The following BARD1 variants were observed in gnomAD, a reference collection of about 807,000 sequenced individuals.
BARD1 encodes BRCA1-associated RING domain protein 1.
A neutral mutation model predicts 77.0 loss-of-function variants in BARD1; 73 were observed. The ratio of observed to expected loss-of-function variants is 0.95; its 90% CI spans 0.79 to 1.15. The LOEUF is 1.15. Among genes scored for constraint, BARD1 ranks in the 50% most tolerant of loss-of-function variants. The probability of loss-of-function intolerance (pLI) is 0.00; values close to 1 mark genes in which losing one functional copy is unlikely to be tolerated. For missense variants in BARD1, 993 were observed against 938.8 expected (o/e 1.06, Z -0.75); for synonymous variants, 384 against 338.0 (o/e 1.14, Z -1.49).
At chr2:214,768,147 G>A (rs958508637) in intron 5 of BARD1, among the ~76,000 whole-genome samples, 8 of 152,148 alleles carry the variant, frequency 5.3e-5, no homozygotes, top group African/African-American at 1.9e-4. Context: ...GAAATAACAC[G>A]AGTAGGAATA....
chr2:214,746,005 C>G (rs1161177360), intron 7 of BARD1, 151 bp from the exon 8 acceptor site: 1 of 934,554 alleles, frequency 1.1e-6, no homozygotes, highest in East Asian at 2.6e-5. Context: ...CACCCAGAAC[C>G]TTTTAAATAA....
chr2:214,757,239 C>T (rs1693734274), intron 6 of BARD1, among the ~76,000 whole-genome samples: 1 of 151,600 alleles, frequency 6.6e-6, no homozygotes, highest in African/African-American at 2.4e-5. Context: ...TTCAAAGGCT[C>T]TAATTTTTTT....
chr2:214,744,839 G>C (rs1693021838), intron 9 of BARD1, among the ~76,000 whole-genome samples: 1 of 152,020 alleles, frequency 6.6e-6, no homozygotes, highest in African/African-American at 2.4e-5. Context: ...CACCGTGTTA[G>C]CCAGGATGAT....
intron 3 of BARD1, among the ~76,000 whole-genome samples, chr2:214,783,935 A>C (rs1190154825): frequency 6.6e-6 from 1 of 152,202 alleles, no homozygotes; most frequent in Non-Finnish European, 1.5e-5. Context: ...AATCTAGGCA[A>C]TACCATTCAG....
At chr2:214,763,167 T>C (rs1326821903) in intron 6 of BARD1, among the ~76,000 whole-genome samples, 1 of 152,174 alleles carries the variant, frequency 6.6e-6, no homozygotes, top group Non-Finnish European at 1.5e-5. Flanking sequence ...CACCCATATC[T>C]TATCTTTCTC....
At chr2:214,738,207 T>A (rs1391752230) in intron 9 of BARD1, among the ~76,000 whole-genome samples, 5 of 152,212 alleles carry the variant, frequency 3.3e-5, no homozygotes, top group African/African-American at 1.2e-4. Context: ...AACAAACGGA[T>A]GAACTACTTA....
chr2:214,767,150 T>C (rs975004767), intron 6 of BARD1, among the ~76,000 whole-genome samples: 2 of 152,232 alleles, frequency 1.3e-5, no homozygotes, highest in Non-Finnish European at 2.9e-5. Context: ...CAAAAAAACA[T>C]GATCTCATTC....
chr2:214,748,281 T>C (rs1469446729), intron 7 of BARD1, among the ~76,000 whole-genome samples: 1 of 152,066 alleles, frequency 6.6e-6, no homozygotes, highest in Non-Finnish European at 1.5e-5. Context: ...CAAAGCCACA[T>C]GTCTGATTTG....
chr2:214,732,976 T>G (rs1383066276), intron 9 of BARD1, among the ~76,000 whole-genome samples: 1 of 152,216 alleles, frequency 6.6e-6, no homozygotes, highest in Admixed American at 6.5e-5. Context: ...TAAAATGTTT[T>G]ATTTATTCTA....
rs4986840 is a variant in BARD1, at chr2:214,730,575, T to C, written c.1904-67A>G. Reference sequence around the variant, plus strand: ...GAGCACTATATCTCTCTCATTAAAATCAAGCAATTTACCTAAGTGGTTTTT... The same window carrying C: ...GAGCACTATATCTCTCTCATTAAAACCAAGCAATTTACCTAAGTGGTTTTT... On this transcript the variant is annotated intron_variant, in intron 9 of 10. Transcript: ENST00000260947. 1,579 of 1,306,036 alleles carry C rather than the reference T, an allele frequency of 1.2e-3. 15 individuals carry two copies. The African/African-American group carries it at 0.02, about 17-fold the overall frequency. 80.9% of individuals were successfully genotyped at this position (1,306,036 alleles called of 1,614,324 possible). A position where few individuals can be genotyped will look rare whatever the true frequency, so the allele number is the denominator to read the frequency against.
chr2:214,783,659 T>C (rs145818299), intron 3 of BARD1, among the ~76,000 whole-genome samples: 2,312 of 152,062 alleles, frequency 0.015, 53 homozygotes, highest in Non-Finnish European at 0.021. Flanking sequence ...CGGCAAACCA[T>C]TGTGACATAG....
At chr2:214,783,609 G>A (rs1695139987) in intron 3 of BARD1, among the ~76,000 whole-genome samples, 1 of 152,110 alleles carries the variant, frequency 6.6e-6, no homozygotes, top group African/African-American at 2.4e-5. Flanking sequence ...AATACCTAAT[G>A]CATGTGGGTC....
At chr2:214,791,669 G>T (rs1695520409) in intron 3 of BARD1, among the ~76,000 whole-genome samples, 1 of 152,136 alleles carries the variant, frequency 6.6e-6, no homozygotes, top group African/African-American at 2.4e-5. Context: ...TTAGATTTCT[G>T]CTCTTTCAAA....
At chr2:214,757,955 T>C (rs1693774170) in intron 6 of BARD1, among the ~76,000 whole-genome samples, 1 of 150,476 alleles carries the variant, frequency 6.6e-6, no homozygotes, top group South Asian at 2.1e-4. Context: ...AAAAAGGGGG[T>C]AAAGGGAGAG....
chr2:214,744,585 A>C (rs186634085), intron 9 of BARD1, among the ~76,000 whole-genome samples: 1 of 152,182 alleles, frequency 6.6e-6, no homozygotes, highest in Non-Finnish European at 1.5e-5. Flanking sequence ...ATGTATATAC[A>C]TTTACTAAGG....
intron 2 of BARD1, chr2:214,796,803 A>G: frequency 2.1e-6 from 1 of 477,040 alleles, no homozygotes; most frequent in Non-Finnish European, 3.8e-6. Context: ...AAAAGGCATT[A>G]ATTTTTTTCC....
At chr2:214,783,644 A>G (rs921329104) in intron 3 of BARD1, among the ~76,000 whole-genome samples, 4 of 152,144 alleles carry the variant, frequency 2.6e-5, no homozygotes, top group Non-Finnish European at 5.9e-5. Flanking sequence ...ACGGGTTGAT[A>G]GGTGCGGCAA....
intron 2 of BARD1, chr2:214,796,819 T>C (rs1695774142): frequency 6.0e-6 from 3 of 500,732 alleles, no homozygotes; most frequent in Non-Finnish European, 7.2e-6. Context: ...TTTCCTCCAA[T>C]TTGGCAAAGC....
chr2:214,759,859 T>C (rs1383338954), intron 6 of BARD1, among the ~76,000 whole-genome samples: 2 of 152,198 alleles, frequency 1.3e-5, no homozygotes, highest in Non-Finnish European at 2.9e-5. Flanking sequence ...AAGAGTATCA[T>C]TGACTTTAAA....
Sources: gnomAD v4.1 joint callset for allele counts (sites outside exome capture counted in the v4.1 genomes callset) on GRCh38, gnomAD v4.1.1 for gene constraint, MANE v1.5 for transcripts, NCBI Gene and HGNC (gene_info 2026-07-23, HGNC 2026-07-21) for gene names.